Variants in NRXN3 observed in about 807,000 individuals in gnomAD.
The protein encoded by NRXN3 is neurexin III.
Under a neutral mutation model 137.6 loss-of-function variants are expected in NRXN3, and 32 were observed. The ratio of observed to expected loss-of-function variants is 0.23; its 90% confidence interval spans 0.18 to 0.31. The LOEUF is 0.31. Among genes scored for constraint, NRXN3 ranks in the 10% least tolerant of loss-of-function variants. NRXN3 has a pLI of 1.00. For missense variants in NRXN3, 1,574 were observed against 2,062.5 expected, an observed-to-expected ratio of 0.76 and a Z score of 4.59; for synonymous variants, 798 against 784.5, an observed-to-expected ratio of 1.02 and a Z score of -0.29.
chr14:78,398,583 C>A (rs73316006), intron 4 of NRXN3, among the ~76,000 whole-genome samples: 1 of 151,996 alleles, frequency 6.6e-6, no homozygotes, highest in African/African-American at 2.4e-5. Context: ...TCCATTGATA[C>A]CTCCCTATCT....
chr14:78,595,435 A>G (rs1164989241), intron 4 of NRXN3, among the ~76,000 whole-genome samples: 1 of 152,314 alleles, frequency 6.6e-6, no homozygotes. Context: ...CCAGGCACAC[A>G]GTAACTCTGC....
intron 4 of NRXN3, among the ~76,000 whole-genome samples, chr14:78,444,400 T>C (rs2094353043): frequency 1.3e-5 from 2 of 152,026 alleles, no homozygotes; most frequent in Admixed American, 6.5e-5. Flanking sequence ...CTGGGGAAAA[T>C]ACAGCTCAAG....
chr14:78,607,130 A>C (rs12895952), intron 4 of NRXN3, among the ~76,000 whole-genome samples: 6,464 of 151,552 alleles, frequency 0.043, 186 homozygotes, highest in Non-Finnish European at 0.057. Context: ...GTAGAGAAAG[A>C]GCTCTGTCTC....
At chr14:79,748,487 C>T (rs2098986542) in intron 19 of NRXN3, among the ~76,000 whole-genome samples, 1 of 152,096 alleles carries the variant, frequency 6.6e-6, no homozygotes, top group Non-Finnish European at 1.5e-5. Context: ...ATACTCACCT[C>T]CATCCTTTTG....
At chr14:79,472,134 C>T (rs936560142) in intron 16 of NRXN3, among the ~76,000 whole-genome samples, 1 of 152,122 alleles carries the variant, frequency 6.6e-6, no homozygotes, top group Non-Finnish European at 1.5e-5. Flanking sequence ...AAGATGATGG[C>T]CTCCAGCTCC....
chr14:79,663,024 G>GTCTT (rs1320814665), intron 16 of NRXN3, among the ~76,000 whole-genome samples: 1 of 152,074 alleles, frequency 6.6e-6, no homozygotes, highest in African/African-American at 2.4e-5. Context: ...CTTCTGACAA[G>GTCTT]TCTTTGATGG....
At chr14:79,123,709 T>G (rs1202613368) in intron 15 of NRXN3, among the ~76,000 whole-genome samples, 1 of 152,120 alleles carries the variant, frequency 6.6e-6, no homozygotes, top group African/African-American at 2.4e-5. Context: ...GAAGGGAGGA[T>G]TTAGCTCTAT....
intron 16 of NRXN3, among the ~76,000 whole-genome samples, chr14:79,491,787 C>T (rs1469967112): frequency 6.6e-6 from 1 of 152,066 alleles, no homozygotes; most frequent in East Asian, 1.9e-4. Context: ...GGGCAATCTC[C>T]TTTGTATGAA....
At chr14:79,007,805 C>CAAAAAAAAA (rs1160867331) in intron 15 of NRXN3, among the ~76,000 whole-genome samples, 4 of 37,984 alleles carry the variant, frequency 1.1e-4, no homozygotes, top group African/African-American at 1.6e-4. Flanking sequence ...GACTCCATCT[C>CAAAAAAAAA]AAAAAAAAAA....
chr14:78,310,182 A>T (rs1306979898), intron 4 of NRXN3, among the ~76,000 whole-genome samples: 1 of 151,172 alleles, frequency 6.6e-6, no homozygotes, highest in East Asian at 1.9e-4. Flanking sequence ...TCAAATTTGG[A>T]GCAGGTCAAC....
chr14:78,516,063 C>G (rs2096201380), intron 4 of NRXN3, among the ~76,000 whole-genome samples: 1 of 152,030 alleles, frequency 6.6e-6, no homozygotes, highest in Admixed American at 6.6e-5. Context: ...GTCCAGGCCC[C>G]ACTCCATGGT....
intron 10 of NRXN3, among the ~76,000 whole-genome samples, chr14:78,948,628 CTTTTTTTTTTTT>C (rs201010514): frequency 2.8e-5 from 3 of 108,604 alleles, no homozygotes; most frequent in African/African-American, 9.8e-5. Flanking sequence ...ACACATTTAA[CTTTTTTTTTTTT>C]TTTTTTTTTT....
chr14:79,827,186 G>T (rs191129047), intron 20 of NRXN3, among the ~76,000 whole-genome samples: 3 of 152,296 alleles, frequency 2.0e-5, no homozygotes, highest in African/African-American at 7.2e-5. Context: ...GTTGATGAAG[G>T]CTATGAAGCA....
At chr14:78,413,820 T>C (rs1477512900) in intron 4 of NRXN3, among the ~76,000 whole-genome samples, 1 of 152,132 alleles carries the variant, frequency 6.6e-6, no homozygotes, top group African/African-American at 2.4e-5. Context: ...CAGTGGCCCA[T>C]CTGATACGGC....
At chr14:79,456,498 G>A (rs948975106) in intron 15 of NRXN3, among the ~76,000 whole-genome samples, 2 of 152,116 alleles carry the variant, frequency 1.3e-5, no homozygotes, top group Non-Finnish European at 2.9e-5. Flanking sequence ...AGGCCAAGAC[G>A]GGCGGATCAC....
At chr14:78,195,494 C>T (rs562432026) in intron 1 of NRXN3, among the ~76,000 whole-genome samples, 45 of 152,280 alleles carry the variant, frequency 3.0e-4, no homozygotes, top group Admixed American at 1.9e-3. Context: ...TAGATAATTT[C>T]AGACAGAAGT....
At chr14:78,511,009 G>A (rs536226072) in intron 4 of NRXN3, among the ~76,000 whole-genome samples, 1 of 152,278 alleles carries the variant, frequency 6.6e-6, no homozygotes, top group African/African-American at 2.4e-5. Context: ...GGTTTGAATA[G>A]AGTAGTAAAG....
chr14:78,332,269 C>T (rs1468027737), intron 4 of NRXN3, among the ~76,000 whole-genome samples: 1 of 151,888 alleles, frequency 6.6e-6, no homozygotes, highest in Non-Finnish European at 1.5e-5. Context: ...ATCATTGTTG[C>T]CCTCTTTGCC....
chr14:78,481,506 G>T (rs17107725), intron 4 of NRXN3, among the ~76,000 whole-genome samples: 12,534 of 152,132 alleles, frequency 0.082, 738 homozygotes, highest in East Asian at 0.31. Context: ...GACAGCCGGG[G>T]CTTTTTCAAT....
Sources: gnomAD v4.1 joint callset for allele counts (sites outside exome capture counted in the v4.1 genomes callset) on GRCh38, gnomAD v4.1.1 for gene constraint, MANE v1.5 for transcripts, NCBI Gene and HGNC (gene_info 2026-07-23, HGNC 2026-07-21) for gene names.